Variants in ABCA12 observed in about 807,000 individuals in gnomAD.
ABCA12 encodes the protein ATP binding cassette subfamily A member 12.
Under a neutral mutation model 293.5 loss-of-function variants are expected in ABCA12, and 156 were observed. The ratio of observed to expected loss-of-function variants is 0.53; its 90% CI spans 0.47 to 0.61. The LOEUF is 0.61. Among genes scored for constraint, ABCA12 ranks in the 20% least tolerant of loss-of-function variants. The pLI, the probability that ABCA12 is intolerant of heterozygous loss-of-function variation, is 0.00. For missense variants in ABCA12, 2,797 were observed against 3,090.2 expected (o/e 0.91, Z 2.25); for synonymous variants, 1,063 against 1,108.0 (o/e 0.96, Z 0.81).
At chr2:215,108,174 T>C (rs1260842661) in intron 2 of ABCA12, among the ~76,000 whole-genome samples, 1 of 152,168 alleles carries the variant, frequency 6.6e-6, no homozygotes, top group Non-Finnish European at 1.5e-5. Context: ...TTTAACTCTA[T>C]TAAAGAGGAC....
Position 214,983,798 on chromosome 2 carries a change from T to C in ABCA12, c.4231A>G (p.Thr1411Ala). The C allele has an allele frequency of 6.2e-7, 1 of 1,613,802 alleles. No homozygotes were observed. The highest frequency in any genetic ancestry group is 8.5e-7 in the Non-Finnish European group (1 of 1,179,902). Residue 1411 changes from threonine to alanine, a missense_variant, in exon 29 of 53, where the codon ACA (threonine) becomes GCA (alanine). Around this residue, in one of 3 missense-constraint regions of ABCA12, gnomAD observed 2,130 missense variants for 2,427.0 expected, o/e 0.88. Transcript: ENST00000272895. The part of the protein sequence containing the change: ...TIFVYGKDIK[T>A]DLHTVRKNMG... ...TTCTTCCGTACCGTGTGTAGGTCTG[T>C]TTTGATATCTTTTCCATATACAAAA...
chr2:214,967,094 A>G (rs74537534), intron 38 of ABCA12, 141 bp from the exon 39 acceptor site: 828 of 783,098 alleles, frequency 1.1e-3, no homozygotes, highest in Non-Finnish European at 1.4e-3. Flanking sequence ...AAGATTATGC[A>G]CTGTTCTCTA....
At chr2:214,948,485 G>GT in intron 47 of ABCA12, 111 bp downstream of exon 47, 2 of 1,167,124 alleles carry the variant, frequency 1.7e-6, no homozygotes, top group South Asian at 2.7e-5. Flanking sequence ...TTTCCAGGTG[G>GT]TTTTGAGGGG....
intron 14 of ABCA12, among the ~76,000 whole-genome samples, chr2:215,016,814 C>T (rs1469059399): frequency 6.6e-6 from 1 of 151,822 alleles, no homozygotes; most frequent in African/African-American, 2.4e-5. Flanking sequence ...GGTATGATTA[C>T]GCAAAATAAG....
intron 36 of ABCA12, among the ~76,000 whole-genome samples, chr2:214,972,526 C>T (rs763931132): frequency 6.6e-5 from 10 of 151,924 alleles, no homozygotes; most frequent in Non-Finnish European, 1.5e-4. Context: ...CCCACTTCAG[C>T]CCCACCAAGT....
chr2:214,966,726 G>A, intron 39 of ABCA12, 122 bp downstream of exon 39: 1 of 849,882 alleles, frequency 1.2e-6, no homozygotes, highest in South Asian at 1.4e-5. Context: ...TCCTTTTAAA[G>A]ACCTGTGATT....
chr2:215,040,430 A>G (rs1701075338), intron 7 of ABCA12, among the ~76,000 whole-genome samples: 1 of 151,956 alleles, frequency 6.6e-6, no homozygotes, highest in Admixed American at 6.5e-5. Context: ...CACAGCTGTC[A>G]GGATGCATAT....
At chr2:215,070,721 A>G (rs1357072045) in intron 2 of ABCA12, among the ~76,000 whole-genome samples, 1 of 151,976 alleles carries the variant, frequency 6.6e-6, no homozygotes, top group Admixed American at 6.6e-5. Flanking sequence ...ACTCTGGGTT[A>G]TTATGGAAAG....
Position 215,111,599 on chromosome 2 carries a change from G to T in ABCA12, c.161C>A (p.Thr54Asn). ...ATAAACAAATGTCATTTACTTACAA[G>T]TTGGTTTTGCAGTTGGAGGAAATTT... ...RTKFPPTAKP[T>N]CYLAPRNLPS... Residue 54 changes from threonine to asparagine, a missense_variant and splice_region_variant, in exon 2 of 53, where the codon ACT (threonine) becomes AAT (asparagine). Transcript: ENST00000272895. 8 of 1,598,078 alleles carry T rather than the reference G, an allele frequency of 5.0e-6. No individual in the cohort carries two copies. Among genetic ancestry groups the T allele is most frequent in the Non-Finnish European group, 6.9e-6 (8 of 1,166,080 alleles).
chr2:215,010,351 T>C lies in ABCA12; in HGVS notation c.2452A>G (p.Thr818Ala), dbSNP rs750076104. The change falls in exon 18 of 53, where the codon ACA (threonine) becomes GCA (alanine). Residue 818 changes from threonine to alanine, a missense_variant. By Grantham distance (58) the Thr-to-Ala change is moderately conservative. Around this residue, in one of 3 missense-constraint regions of ABCA12, gnomAD observed 2,130 missense variants for 2,427.0 expected, o/e 0.88. Transcript: ENST00000272895. ...CAAACCTTTTCCATTATTGCCTTTG[T>C]GACTGGGTTATATGGTGCATACAAA... ...RILYAPYNPV[T>A]KAIMEKSNVT... is the part of the protein sequence containing the mutation. The C allele has an allele frequency of 4.3e-5, 69 of 1,613,708 alleles. No individual in the cohort carries two copies. The highest frequency in any genetic ancestry group is 5.5e-5 in the Non-Finnish European group (65 of 1,179,768).
intron 10 of ABCA12, 59 bp from the exon 11 acceptor site, chr2:215,025,838 G>A: frequency 8.2e-7 from 1 of 1,213,702 alleles, no homozygotes; most frequent in South Asian, 1.2e-5. Flanking sequence ...TAGGAAACCA[G>A]TTTGAAAGAC....
chr2:215,011,398 C>T (rs747139176), intron 17 of ABCA12, 41 bp downstream of exon 17: 1 of 1,425,874 alleles, frequency 7.0e-7, no homozygotes, highest in South Asian at 1.2e-5. Flanking sequence ...TTCTTATTGT[C>T]ATTAAGGGCA....
At position 215,026,893 on chromosome 2, in the gene ABCA12, T is replaced by A. The variant is rs373567518; in HGVS notation, c.1107A>T (p.Ser369=). Residue 369 remains serine (S), a synonymous_variant, in exon 10 of 53, where the codon TCA becomes TCT. Transcript: ENST00000272895. The part of the protein sequence containing the change: ...ENFEDALLNI[S]ANSPYIPYLA... ...AGTAAGGAATATAAGGACTATTTGC[T>A]GATATATTTAAGAGGGCATCTTCAA... 6.2e-7 allele frequency: 1 copy of A among 1,613,384 alleles called. No individual in the cohort carries two copies. The highest frequency in any genetic ancestry group is 8.5e-7 in the Non-Finnish European group (1 of 1,179,456).
intron 4 of ABCA12, among the ~76,000 whole-genome samples, chr2:215,054,233 CA>C (rs1442356151): frequency 6.6e-6 from 1 of 151,988 alleles, no homozygotes; most frequent in Non-Finnish European, 1.5e-5. Flanking sequence ...AGATTCTTTC[CA>C]AAAATTTTTA....
At chr2:215,021,384 C>A (rs1394279841) in intron 11 of ABCA12, among the ~76,000 whole-genome samples, 1 of 152,118 alleles carries the variant, frequency 6.6e-6, no homozygotes, top group African/African-American at 2.4e-5. Flanking sequence ...AAATCCCACA[C>A]CCGGAGGAAA....
chr2:215,130,886 T>C (rs1575063477), intron 1 of ABCA12, among the ~76,000 whole-genome samples: 1 of 152,114 alleles, frequency 6.6e-6, no homozygotes, highest in Non-Finnish European at 1.5e-5. Flanking sequence ...TTGTCATATA[T>C]GACTGTTATT....
At chr2:215,031,976 G>T (rs754420308) in intron 8 of ABCA12, 80 bp from the exon 9 acceptor site, 10 of 1,601,168 alleles carry the variant, frequency 6.2e-6, no homozygotes, top group Admixed American at 1.7e-5. Context: ...ACCATCCCAG[G>T]TCAAATTAAT....
chr2:214,988,500 A>G (rs1371492450), intron 26 of ABCA12, among the ~76,000 whole-genome samples: 1 of 152,210 alleles, frequency 6.6e-6, no homozygotes, highest in African/African-American at 2.4e-5. Context: ...ACATAAATGA[A>G]ATCATATTCT....
chr2:215,061,074 T>C (rs1346207794), intron 3 of ABCA12, among the ~76,000 whole-genome samples: 2 of 152,058 alleles, frequency 1.3e-5, no homozygotes, highest in Non-Finnish European at 2.9e-5. Flanking sequence ...GGGCTCCCAC[T>C]GTGCTGATAG....
Sources: gnomAD v4.1 joint callset for allele counts (sites outside exome capture counted in the v4.1 genomes callset) on GRCh38, gnomAD v4.1.1 for gene constraint, gnomAD v4.1.1 regional missense constraint, MANE v1.5 for transcripts, NCBI Gene and HGNC (gene_info 2026-07-23, HGNC 2026-07-21) for gene names.